RAB37: variants seen among roughly 807,000 people sequenced by gnomAD.
The protein encoded by RAB37 is RAB37, member RAS oncogene family, also known as ras-related protein Rab-37.
RAB37 carries 29 observed loss-of-function variants against 33.1 expected under a neutral mutation model. That is an observed-to-expected ratio of 0.88 (90% confidence interval 0.65 to 1.20). The LOEUF (loss-of-function observed/expected upper bound fraction) is 1.20. Among genes scored for constraint, RAB37 ranks in the 50% most tolerant of loss-of-function variants. RAB37 has a pLI of 0.00. For synonymous variants in RAB37, 128 were observed against 119.5 expected, an observed-to-expected ratio of 1.07 and a Z score of -0.47; for missense variants, 299 against 301.1, an observed-to-expected ratio of 0.99 and a Z score of 0.05.
chr17:74,732,289 G>A (rs1287993950), upstream of RAB37, among the ~76,000 whole-genome samples: 2 of 152,194 alleles, frequency 1.3e-5, no homozygotes, highest in Non-Finnish European at 2.9e-5. Context: ...GACCCAGGGG[G>A]TCCATGCGCC....
chr17:74,743,519 G>T (rs958678163), intron 5 of RAB37, among the ~76,000 whole-genome samples, 179 bp downstream of exon 5: 1 of 152,154 alleles, frequency 6.6e-6, no homozygotes, highest in Non-Finnish European at 1.5e-5. Flanking sequence ...TGGCCATGTG[G>T]GCATGAAGGC....
intron 1 of RAB37, among the ~76,000 whole-genome samples, chr17:74,709,508 T>C (rs531989216): frequency 5.3e-5 from 8 of 152,316 alleles, no homozygotes; most frequent in African/African-American, 1.4e-4. Flanking sequence ...TTTTTGTACA[T>C]TTTATTTTCC....
At chr17:74,739,619 T>A (rs767483395) in intron 1 of RAB37, among the ~76,000 whole-genome samples, 1 of 142,064 alleles carries the variant, frequency 7.0e-6, no homozygotes, top group Non-Finnish European at 1.5e-5. Flanking sequence ...AACCTCTACC[T>A]CCTGGGTTCA....
At chr17:74,711,458 C>T (rs1341408966) in intron 1 of RAB37, among the ~76,000 whole-genome samples, 1 of 152,212 alleles carries the variant, frequency 6.6e-6, no homozygotes, top group East Asian at 1.9e-4. Context: ...TGCTGAAACT[C>T]GGGGCCAAGT....
intron 1 of RAB37, chr17:74,704,407 T>C: frequency 9.0e-7 from 1 of 1,109,882 alleles, no homozygotes; most frequent in East Asian, 2.4e-5. Flanking sequence ...ATTAAATCAC[T>C]TGAGTAGGAC....
At chr17:74,737,123 A>C, upstream of RAB37, 1 of 1,593,804 alleles carries the variant, frequency 6.3e-7, no homozygotes, top group Non-Finnish European at 8.5e-7. Context: ...GCAAGGTCCG[A>C]GCCGGTGTCG....
chr17:74,698,353 A>G (rs757833040), intron 1 of RAB37: 2 of 1,581,416 alleles, frequency 1.3e-6, no homozygotes, highest in African/African-American at 1.3e-5. Context: ...GCCCAGCCTC[A>G]CCCAGGTCCT....
rs2032017377 is a variant in RAB37 at position 74,684,597 on chromosome 17, GACC to G, written c.72+12941_72+12943del. ...GAGGTCAGGAGTTTGAGAACAGCCTGACCAACATGACGAAACCCTGTCTCTACT... is the reference window on the plus strand; with the variant it reads ...GAGGTCAGGAGTTTGAGAACAGCCTGAACATGACGAAACCCTGTCTCTACT... On this transcript the variant is annotated intron_variant, in intron 1 of 7. Coordinates refer to the RAB37 transcript ENST00000340415. Among the ~76,000 whole-genome samples, 3 of 152,156 alleles carry G rather than the reference GACC, an allele frequency of 2.0e-5. No individual in the cohort carries two copies. The South Asian group carries it at 6.2e-4, about 32-fold the overall frequency.
rs1403261624 is a variant in RAB37 at position 74,728,762 on chromosome 17, C to CT, written c.73-492dup. Among the ~76,000 whole-genome samples the CT allele has an allele frequency of 2.0e-5, 3 of 148,866 alleles. No individual in the cohort carries two copies. In the East Asian group the frequency reaches 6.0e-4, roughly 30 times the overall value. On this transcript the variant is annotated intron_variant, in intron 1 of 7. Transcript: ENST00000340415. ...TGTGTTTTTCTGTGTCTGTATGTGTCTTGTGCATGTATGTTTCTGTGTCAT... is the reference window on the plus strand; with the variant it reads ...TGTGTTTTTCTGTGTCTGTATGTGTCTTTGTGCATGTATGTTTCTGTGTCAT...
chr17:74,715,097 G>A (rs553016448), intron 1 of RAB37, among the ~76,000 whole-genome samples: 3 of 152,122 alleles, frequency 2.0e-5, no homozygotes, highest in African/African-American at 7.2e-5. Context: ...ACTACAGCCT[G>A]GGCAACAAGA....
chr17:74,745,244 G>T lies in RAB37; in HGVS notation c.567-62G>T. On this transcript the variant is annotated intron_variant, in intron 8 of 8. Transcript: ENST00000392613. The surrounding 1 kb of genome is among the most constrained non-coding windows in gnomAD (Gnocchi z 4.5). ...CTGGGCCACTGGGAGAGGGGAGGGG[G>T]CGGCTCAGCTCCTCACCCCAGCCCA... The T allele has an allele frequency of 1.3e-6, 2 of 1,554,372 alleles. No homozygotes were observed. Among genetic ancestry groups the T allele is most frequent in the Admixed American group, 3.3e-5 (2 of 59,894 alleles).
chr17:74,694,750 TA>T (rs950720458), intron 1 of RAB37: 1 of 188,818 alleles, frequency 5.3e-6, no homozygotes, highest in African/African-American at 2.3e-5. Flanking sequence ...TAACATGTGG[TA>T]GGCAATAAAT....
intron 1 of RAB37, among the ~76,000 whole-genome samples, chr17:74,673,671 G>A (rs1481525955): frequency 1.3e-5 from 2 of 151,868 alleles, no homozygotes; most frequent in Non-Finnish European, 2.9e-5. Context: ...TGAGTTTATT[G>A]ATCACCAAAT....
chr17:74,723,330 T>C (rs536663769), intron 1 of RAB37, among the ~76,000 whole-genome samples: 8 of 152,208 alleles, frequency 5.3e-5, no homozygotes, highest in African/African-American at 1.9e-4. Flanking sequence ...CACTCTGGGA[T>C]GGAAGATTTG....
In RAB37 at chr17:74,692,840, G is replaced by A. The variant is rs938203073; in HGVS notation, c.72+21182G>A. Among the ~76,000 whole-genome samples, 3 of 152,172 alleles carry A rather than the reference G, an allele frequency of 2.0e-5. No individual in the cohort carries two copies. The East Asian group carries it at 5.8e-4, about 29-fold the overall frequency. On this transcript the variant is annotated intron_variant, in intron 1 of 7. Coordinates refer to the RAB37 transcript ENST00000340415. ...CTGCCCTGCCAGAATAGTGAACACCGCTGCCTGTGCTCTGAGAGATGCCTT... is the reference window on the plus strand; with the variant it reads ...CTGCCCTGCCAGAATAGTGAACACCACTGCCTGTGCTCTGAGAGATGCCTT...
upstream of RAB37, chr17:74,736,519 G>T (rs1237597452): frequency 2.4e-5 from 35 of 1,436,096 alleles, no homozygotes; most frequent in Non-Finnish European, 3.0e-5. Flanking sequence ...GGGCCAGGGT[G>T]AGTGTCATGG....
chr17:74,716,800 C>A (rs755339123), intron 1 of RAB37, among the ~76,000 whole-genome samples: 5 of 152,166 alleles, frequency 3.3e-5, no homozygotes, highest in Non-Finnish European at 5.9e-5. Flanking sequence ...AATCCCGGAG[C>A]TGGTTGTCAC....
At chr17:74,686,544 C>T (rs1598185755) in intron 1 of RAB37, among the ~76,000 whole-genome samples, 1 of 152,290 alleles carries the variant, frequency 6.6e-6, no homozygotes, top group East Asian at 1.9e-4. Context: ...GCGTACACCA[C>T]TACACCTAGC....
rs150806253 is a variant in RAB37 at position 74,716,309 on chromosome 17, T to C, written c.73-12947T>C. Among the ~76,000 whole-genome samples the C allele has an allele frequency of 8.0e-3, 1,225 of 152,318 alleles. 14 individuals carry two copies. The highest frequency in any genetic ancestry group is 0.027 in the African/African-American group (1,139 of 41,570). On this transcript the variant is annotated intron_variant, in intron 1 of 7. Transcript: ENST00000340415. ...GTATGTATGTATGTGTGTGTGTGCA[T>C]GTATGTACGTGAATGGTTGAACCTG...
Sources: gnomAD v4.1 joint callset for allele counts (sites outside exome capture counted in the v4.1 genomes callset) on GRCh38, gnomAD v4.1.1 for gene constraint, Gnocchi (gnomAD v3.1) non-coding constraint, MANE v1.5 for transcripts, NCBI Gene and HGNC (gene_info 2026-07-23, HGNC 2026-07-21) for gene names.